ADAM10: variants seen among roughly 807,000 people sequenced by gnomAD.
ADAM10 encodes the protein ADAM metallopeptidase domain 10.
Under a neutral mutation model 90.1 loss-of-function variants are expected in ADAM10, and 17 were observed. The ratio of observed to expected loss-of-function variants is 0.19; its 90% CI spans 0.13 to 0.28. The LOEUF is 0.28. ADAM10 is among the 10% of genes least tolerant of loss of function. The probability of loss-of-function intolerance (pLI) is 1.00; values close to 1 mark genes in which losing one functional copy is unlikely to be tolerated. For missense variants in ADAM10, 610 were observed against 914.3 expected (o/e 0.67, Z 4.29); for synonymous variants, 310 against 298.6 (o/e 1.04, Z -0.40).
At chr15:58,663,236 C>G (rs1421951979) in intron 5 of ADAM10, among the ~76,000 whole-genome samples, 2 of 152,152 alleles carry the variant, frequency 1.3e-5, no homozygotes, top group Admixed American at 1.3e-4. Flanking sequence ...ACAGCCTGGA[C>G]TTTATTGTTG....
intron 11 of ADAM10, 34 bp downstream of exon 11, chr15:58,621,437 A>C (rs773836629): frequency 1.2e-5 from 20 of 1,613,412 alleles, no homozygotes; most frequent in Non-Finnish European, 1.7e-5. Flanking sequence ...GTAACTTTAC[A>C]AGAATGTTAA....
chr15:58,645,631 C>A (rs1433011487), intron 6 of ADAM10, among the ~76,000 whole-genome samples: 2 of 151,968 alleles, frequency 1.3e-5, no homozygotes, highest in Non-Finnish European at 2.9e-5. Flanking sequence ...TTGAAGGGCA[C>A]CCTCAAAATA....
At chr15:58,695,370 T>A (rs1897947213) in intron 2 of ADAM10, among the ~76,000 whole-genome samples, 1 of 152,240 alleles carries the variant, frequency 6.6e-6, no homozygotes, top group South Asian at 2.1e-4. Flanking sequence ...TGTATTTTCA[T>A]AAAATTACTT....
chr15:58,588,930 G>A lies in ADAM10; in HGVS notation c.*8617C>T, dbSNP rs530376151. On this transcript the variant is annotated 3_prime_UTR_variant, in exon 16 of 16. Transcript: ENST00000260408. ...TTTCCCATTTTTGCAAAACATGGTC[G>A]GTATGTTTCATATTCTATAAATACA... The A allele has an allele frequency of 4.6e-5, 7 of 152,174 alleles. No individual in the cohort carries two copies. Among genetic ancestry groups the A allele is most frequent in the African/African-American group, 1.2e-4 (5 of 41,522 alleles). 9.4% of individuals were successfully genotyped at this position (152,174 alleles called of 1,614,324 possible).
intron 4 of ADAM10, 112 bp downstream of exon 4, chr15:58,679,012 G>A (rs1897357976): frequency 1.9e-6 from 2 of 1,064,832 alleles, no homozygotes; most frequent in African/African-American, 3.2e-5. Flanking sequence ...CTATGTTCTA[G>A]CCTGATTAGT....
rs200730709 is a variant in ADAM10, at chr15:58,640,953, G to A, written c.836C>T (p.Thr279Ile). 20 of 1,613,632 alleles carry A rather than the reference G, an allele frequency of 1.2e-5. No homozygotes were observed. The highest frequency in any genetic ancestry group is 1.7e-5 in the Non-Finnish European group (20 of 1,179,664). ...TGTAGGGTCCTTCTCATCAGCAGTT[G>A]TATTGATCTAAAATCCAAAACAATA... ...SFMVKRIRIN[T>I]TADEKDPTNP... Residue 279 changes from threonine to isoleucine, a missense_variant, in exon 8 of 16, where the codon ACA (threonine) becomes ATA (isoleucine). By Grantham distance (89) the Thr-to-Ile change is moderately conservative. Around this residue, in one of 4 missense-constraint regions of ADAM10, gnomAD observed 310 missense variants for 362.4 expected, o/e 0.86. Transcript: ENST00000260408.
At chr15:58,695,361 G>A (rs1897946743) in intron 2 of ADAM10, among the ~76,000 whole-genome samples, 1 of 152,138 alleles carries the variant, frequency 6.6e-6, no homozygotes, top group Non-Finnish European at 1.5e-5. Flanking sequence ...TGCCTATCAT[G>A]TATTTTCATA....
chr15:58,612,112 T>C (rs1241480266), intron 11 of ADAM10, 121 bp from the exon 12 acceptor site: 3 of 999,542 alleles, frequency 3.0e-6, no homozygotes, highest in East Asian at 5.2e-5. Flanking sequence ...CTAAGTCTCA[T>C]CACTTAAATG....
chr15:58,743,313 G>T (rs1316525278), intron 1 of ADAM10, among the ~76,000 whole-genome samples: 1 of 152,060 alleles, frequency 6.6e-6, no homozygotes, highest in Admixed American at 6.6e-5. Context: ...GGCAGCAGTG[G>T]CCAATGACTG....
At position 58,717,694 on chromosome 15, in the gene ADAM10, C is replaced by T. The variant is rs201540886; in HGVS notation, c.89G>A (p.Arg30Lys). 2.5e-6 allele frequency: 4 copies of T among 1,613,018 alleles called. No individual in the cohort carries two copies. Among genetic ancestry groups the T allele is most frequent in the East Asian group, 2.2e-5 (1 of 44,784 alleles). The stretch of plus-strand genomic sequence containing the variant: ...ATTGTAAGATAATCCTTCATAATGT[C>T]TGATATATTTATTTAAAGGATTCCC... ...QYGNPLNKYI[R>K]HYEGLSYNVD... is the part of the protein sequence containing the mutation. The change falls in exon 2 of 16, where the codon AGA becomes AAA. Residue 30 changes from arginine to lysine, a missense_variant. Around this residue, in one of 4 missense-constraint regions of ADAM10, gnomAD observed 310 missense variants for 362.4 expected, o/e 0.86. Transcript: ENST00000260408.
At chr15:58,607,777 CACA>C (rs879378621) in intron 14 of ADAM10, among the ~76,000 whole-genome samples, 5 of 152,038 alleles carry the variant, frequency 3.3e-5, no homozygotes, top group Non-Finnish European at 5.9e-5. Context: ...GGAGGGGAAA[CACA>C]ACAATACATT....
chr15:58,673,349 A>G (rs1225099525), intron 4 of ADAM10, among the ~76,000 whole-genome samples: 2 of 151,744 alleles, frequency 1.3e-5, no homozygotes, highest in South Asian at 2.1e-4. Context: ...CTTATACAAA[A>G]TAAGTATTAC....
chr15:58,666,901 G>C (rs1009311353), intron 4 of ADAM10, among the ~76,000 whole-genome samples: 5 of 152,096 alleles, frequency 3.3e-5, no homozygotes, highest in Admixed American at 2.6e-4. Flanking sequence ...CCAATAGAAA[G>C]GGTCAAGCAT....
chr15:58,661,473 T>C (rs546223433), intron 5 of ADAM10, among the ~76,000 whole-genome samples: 53 of 152,300 alleles, frequency 3.5e-4, no homozygotes, highest in African/African-American at 1.2e-3. Flanking sequence ...TGTTATTCTA[T>C]GTCTTCCAGT....
intron 14 of ADAM10, among the ~76,000 whole-genome samples, chr15:58,605,490 C>T (rs1566964608): frequency 3.3e-5 from 5 of 152,140 alleles, no homozygotes. Flanking sequence ...AAATTACATG[C>T]TATCCCCTTT....
chr15:58,711,108 A>C (rs1234560518), intron 2 of ADAM10, among the ~76,000 whole-genome samples: 4 of 152,242 alleles, frequency 2.6e-5, no homozygotes, highest in Non-Finnish European at 4.4e-5. Context: ...AACAGTTTGG[A>C]AATTTACTCT....
chr15:58,662,582 G>C (rs1331418088), intron 5 of ADAM10, among the ~76,000 whole-genome samples: 30 of 152,180 alleles, frequency 2.0e-4, no homozygotes, highest in Non-Finnish European at 1.2e-4. Flanking sequence ...CTGGCCTCAA[G>C]TGGTCCTGCT....
chr15:58,711,536 T>A (rs1311908049), intron 2 of ADAM10, among the ~76,000 whole-genome samples: 3 of 152,144 alleles, frequency 2.0e-5, no homozygotes, highest in Non-Finnish European at 4.4e-5. Context: ...TTATGACTAC[T>A]CCAATACATA....
At chr15:58,692,451 A>G (rs1897849161) in intron 2 of ADAM10, 1 of 536,478 alleles carries the variant, frequency 1.9e-6, no homozygotes, top group African/African-American at 1.9e-5. Flanking sequence ...CGGAACCCAC[A>G]TCTTCAGTCT....
Sources: allele counts gnomAD v4.1 joint callset (sites outside exome capture counted in the v4.1 genomes callset), GRCh38; gene constraint gnomAD v4.1.1; regional missense constraint gnomAD v4.1.1; transcripts MANE v1.5; gene names NCBI Gene and HGNC (gene_info 2026-07-23, HGNC 2026-07-21).